ATP2B4: variants seen among roughly 807,000 people sequenced by gnomAD.
ATP2B4 encodes ATPase plasma membrane Ca2+ transporting 4.
Under a neutral mutation model 110.3 loss-of-function variants are expected in ATP2B4, and 39 were observed. The observed-to-expected ratio is 0.35, with a 90% confidence interval of 0.27 to 0.46. The LOEUF (loss-of-function observed/expected upper bound fraction) is 0.46, where lower values mean the gene tolerates loss of function less well. Ranked by LOEUF, ATP2B4 falls within the 20% of genes least tolerant of loss-of-function variation. ATP2B4 has a pLI of 1.00. For synonymous variants in ATP2B4, 538 were observed against 571.7 expected (o/e 0.94, Z 0.84); for missense variants, 1,135 against 1,530.9 (o/e 0.74, Z 4.32).
intron 2 of ATP2B4, 116 bp downstream of exon 2, chr1:203,683,514 C>T: frequency 1.8e-6 from 2 of 1,124,066 alleles, no homozygotes; most frequent in East Asian, 2.6e-5. Flanking sequence ...ATATTTTTGT[C>T]TGGTGGGAAA....
intron 5 of ATP2B4, 106 bp downstream of exon 5, chr1:203,700,437 G>C: frequency 7.0e-7 from 1 of 1,434,448 alleles, no homozygotes; most frequent in Non-Finnish European, 9.4e-7. Context: ...CTCCTTCCCT[G>C]GGGTTCAGCT....
intron 18 of ATP2B4, among the ~76,000 whole-genome samples, chr1:203,723,185 T>C (rs1296501364): frequency 6.6e-6 from 1 of 151,852 alleles, no homozygotes; most frequent in Non-Finnish European, 1.5e-5. Flanking sequence ...ACTCCTCCAA[T>C]ATGAGACTAT....
intron 20 of ATP2B4, chr1:203,733,079 GCT>G (rs1452974685): frequency 3.3e-6 from 2 of 602,842 alleles, no homozygotes; most frequent in African/African-American, 1.9e-5. Context: ...TGGGAGGGAA[GCT>G]CTCTCTTGCT....
At chr1:203,661,093 A>G (rs1437664811) in intron 1 of ATP2B4, among the ~76,000 whole-genome samples, 2 of 152,000 alleles carry the variant, frequency 1.3e-5, no homozygotes, top group Non-Finnish European at 2.9e-5. Flanking sequence ...CAGAGCAACA[A>G]GAGAGAAACT....
chr1:203,712,362 G>A (rs141230325), intron 13 of ATP2B4, among the ~76,000 whole-genome samples: 2,208 of 152,270 alleles, frequency 0.015, 36 homozygotes, highest in East Asian at 0.068. Flanking sequence ...GGAGGCCACG[G>A]CGGGTGGATC....
At chr1:203,735,854 A>G (rs1253287525) in intron 20 of ATP2B4, among the ~76,000 whole-genome samples, 1 of 152,134 alleles carries the variant, frequency 6.6e-6, no homozygotes, top group Non-Finnish European at 1.5e-5. Flanking sequence ...TTAGTGTCAG[A>G]TATCCTGATG....
intron 19 of ATP2B4, among the ~76,000 whole-genome samples, 196 bp downstream of exon 19, chr1:203,724,184 G>C (rs1168223314): frequency 6.6e-6 from 1 of 152,060 alleles, no homozygotes; most frequent in Non-Finnish European, 1.5e-5. Flanking sequence ...CACTTCAGAG[G>C]TTTCAGAATT....
intron 19 of ATP2B4, 44 bp from the exon 20 acceptor site, chr1:203,727,351 C>CA: frequency 6.2e-7 from 1 of 1,603,416 alleles, no homozygotes. Flanking sequence ...CAGCTCTTCT[C>CA]ACGCTGATTC....
Position 203,741,697 on chromosome 1 carries a change from C to T in ATP2B4, c.*1843C>T, listed in dbSNP as rs1454012776. 1 of 152,514 alleles carries T rather than the reference C, an allele frequency of 6.6e-6. No homozygotes were observed. The highest frequency in any genetic ancestry group is 1.5e-5 in the Non-Finnish European group (1 of 68,040). 9.4% of individuals were successfully genotyped at this position (152,514 alleles called of 1,614,324 possible). ...TAGGAAACATAAAGAAACAATGTCC[C>T]CTACATATCCCCATGACTACATAAT... On this transcript the variant is annotated 3_prime_UTR_variant, in exon 21 of 21. Coordinates refer to ENST00000357681, the MANE Select transcript of ATP2B4 (RefSeq NM_001684.5).
At chr1:203,641,925 T>G (rs1034914526) in intron 1 of ATP2B4, among the ~76,000 whole-genome samples, 1 of 152,178 alleles carries the variant, frequency 6.6e-6, no homozygotes, top group Non-Finnish European at 1.5e-5. Context: ...AATAAAAAGT[T>G]ATTTAGTGGA....
In ATP2B4 at chr1:203,684,115, T is replaced by A. The variant is rs1472288029; in HGVS notation, c.193+717T>A. Among the ~76,000 whole-genome samples the A allele has an allele frequency of 2.0e-5, 3 of 152,108 alleles. No homozygotes were observed. The East Asian group carries it at 5.8e-4, about 29-fold the overall frequency. The stretch of plus-strand genomic sequence containing the variant: ...GTCTGATTATAAAATAATTTAATTC[T>A]TCCCTACACTGATCTTACAGTTTAA... On this transcript the variant is annotated intron_variant, in intron 2 of 20. Transcript: ENST00000357681.
At chr1:203,665,783 GA>G (rs1417053028) in intron 1 of ATP2B4, among the ~76,000 whole-genome samples, 1 of 136,134 alleles carries the variant, frequency 7.3e-6, no homozygotes, top group Non-Finnish European at 1.6e-5. Flanking sequence ...CCTGGTGACA[GA>G]GCTAGACTCC....
chr1:203,677,606 G>A (rs559277555), intron 1 of ATP2B4, among the ~76,000 whole-genome samples: 1 of 152,262 alleles, frequency 6.6e-6, no homozygotes, highest in African/African-American at 2.4e-5. Context: ...GGGATTACAG[G>A]CATTCACCAC....
chr1:203,739,705 G>T lies in ATP2B4; in HGVS notation c.3469G>T (p.Asp1157Tyr). The change falls in exon 21 of 21, where the codon GAC (aspartate) becomes TAC (tyrosine). Residue 1157 changes from aspartate to tyrosine, a missense_variant. By Grantham distance (160) the Asp-to-Tyr change is radical. Transcript: ENST00000357681. ...LLDEEEEENP[D>Y]KASKFGTRVL... ...GGATGAGGAAGAGGAGGAAAATCCTGACAAGGCTTCTAAGTTTGGGACTAG... is the reference window on the plus strand; with the variant it reads ...GGATGAGGAAGAGGAGGAAAATCCTTACAAGGCTTCTAAGTTTGGGACTAG... 1 of 1,614,188 alleles carries T rather than the reference G, an allele frequency of 6.2e-7. No individual in the cohort carries two copies. Among genetic ancestry groups the T allele is most frequent in the Non-Finnish European group, 8.5e-7 (1 of 1,180,036 alleles).
In ATP2B4 at chr1:203,711,056, C is replaced by T. The variant is rs989961300; in HGVS notation, c.1979C>T (p.Thr660Ile). ...TGGGACAATGAGAATGAGATCCTCA[C>T]CGAACTGACCTGTATCGCGGTGGTG... ...PSWDNENEILTELTCIAVVGI... is the reference protein window; with the variant it reads ...PSWDNENEILIELTCIAVVGI... Residue 660 changes from threonine (T) to isoleucine (I), a missense_variant, in exon 12 of 21, where the codon ACC becomes ATC. This residue lies in a region of ATP2B4 where 368 missense variants were observed against 455.9 expected (regional missense o/e 0.81). Transcript: ENST00000357681. 1 of 1,614,118 alleles carries T rather than the reference C, an allele frequency of 6.2e-7. No individual in the cohort carries two copies. Among genetic ancestry groups the T allele is most frequent in the Non-Finnish European group, 8.5e-7 (1 of 1,180,016 alleles).
At chr1:203,715,811 A>G (rs2102205825) in intron 15 of ATP2B4, among the ~76,000 whole-genome samples, 1 of 144,484 alleles carries the variant, frequency 6.9e-6, no homozygotes, top group African/African-American at 2.5e-5. Flanking sequence ...ACTTGCAGTT[A>G]TTTGATACAT....
chr1:203,721,558 T>C, intron 17 of ATP2B4, 148 bp downstream of exon 17: 1 of 720,612 alleles, frequency 1.4e-6, no homozygotes, highest in Admixed American at 2.6e-5. Flanking sequence ...CACGGTGCAT[T>C]ATGCTACTAT....
rs367717384 is a variant in ATP2B4 at position 203,739,759 on chromosome 1, C to T, written c.3523C>T (p.Pro1175Ser). The T allele has an allele frequency of 1.2e-6, 2 of 1,614,186 alleles. No individual in the cohort carries two copies. Among genetic ancestry groups the T allele is most frequent in the African/African-American group, 1.3e-5 (1 of 75,058 alleles). The change falls in exon 21 of 21, where the codon CCA (proline) becomes TCA (serine). Residue 1175 changes from proline to serine, a missense_variant. This residue lies in a region of ATP2B4 where 92 missense variants were observed against 82.5 expected (regional missense o/e 1.11). Transcript: ENST00000357681. ...RVLLLDGEVT[P>S]YANTNNNAVD... Reference sequence around the variant, plus strand: ...GCTCCTGTTGGATGGTGAGGTCACTCCATATGCCAATACAAACAACAATGC... The same window carrying T: ...GCTCCTGTTGGATGGTGAGGTCACTTCATATGCCAATACAAACAACAATGC...
chr1:203,693,809 C>T (rs535773612), intron 2 of ATP2B4, among the ~76,000 whole-genome samples: 2 of 152,324 alleles, frequency 1.3e-5, no homozygotes, highest in Admixed American at 6.5e-5. Context: ...CCAACCATCC[C>T]GGTTTGCCCG....
Sources: gnomAD v4.1 joint callset for allele counts (sites outside exome capture counted in the v4.1 genomes callset) on GRCh38, gnomAD v4.1.1 for gene constraint, gnomAD v4.1.1 regional missense constraint, MANE v1.5 for transcripts, NCBI Gene and HGNC (gene_info 2026-07-23, HGNC 2026-07-21) for gene names.